The following RABGEF1 variants were observed in gnomAD, a reference collection of about 807,000 sequenced individuals.
RABGEF1 encodes rab5 GDP/GTP exchange factor.
RABGEF1 carries 26 observed loss-of-function variants against 57.3 expected under a neutral mutation model. The observed-to-expected ratio is 0.45, with a 90% CI of 0.33 to 0.63. The LOEUF (loss-of-function observed/expected upper bound fraction) is 0.63, where lower values mean the gene tolerates loss of function less well. RABGEF1 is among the 20% of genes least tolerant of loss of function. RABGEF1 has a pLI of 0.02. For synonymous variants in RABGEF1, 185 were observed against 210.7 expected (o/e 0.88, Z 1.06); for missense variants, 464 against 607.6 (o/e 0.76, Z 2.48).
At chr7:66,723,551 T>C (rs1459869755) in intron 2 of RABGEF1, among the ~76,000 whole-genome samples, 1 of 152,204 alleles carries the variant, frequency 6.6e-6, no homozygotes, top group Non-Finnish European at 1.5e-5. Context: ...TGCTATTTTT[T>C]CTTTAAACAA....
intron 1 of RABGEF1, among the ~76,000 whole-genome samples, chr7:66,706,891 C>G (rs1283042497): frequency 6.6e-6 from 1 of 150,424 alleles, no homozygotes; most frequent in Non-Finnish European, 1.5e-5. Context: ...ACGCCATTCT[C>G]CTGCCTCAGC....
intron 2 of RABGEF1, among the ~76,000 whole-genome samples, chr7:66,715,866 G>A (rs534861192): frequency 6.6e-5 from 10 of 152,174 alleles, no homozygotes; most frequent in African/African-American, 2.4e-4. Context: ...TGCTCCTTGT[G>A]CCTCCGCCTC....
chr7:66,724,673 T>C (rs1321941995), intron 2 of RABGEF1, among the ~76,000 whole-genome samples: 1 of 152,208 alleles, frequency 6.6e-6, no homozygotes, highest in South Asian at 2.1e-4. Context: ...CAATATTTAT[T>C]CTTCTTGGAG....
chr7:66,741,257 C>T (rs904217330), intron 1 of RABGEF1, among the ~76,000 whole-genome samples: 1 of 152,212 alleles, frequency 6.6e-6, no homozygotes, highest in Non-Finnish European at 1.5e-5. Flanking sequence ...CAGCCCCCGG[C>T]CGCGGCAGGG....
intron 4 of RABGEF1, among the ~76,000 whole-genome samples, chr7:66,794,897 G>A (rs1377182265): frequency 1.2e-4 from 18 of 152,148 alleles, no homozygotes; most frequent in African/African-American, 4.1e-4. Flanking sequence ...TGATTCAGTG[G>A]ATTAGATAAA....
intron 1 of RABGEF1, among the ~76,000 whole-genome samples, chr7:66,761,819 G>C (rs1483453839): frequency 6.6e-6 from 1 of 152,152 alleles, no homozygotes; most frequent in Admixed American, 6.5e-5. Flanking sequence ...GGGAGTTTGA[G>C]GTAGGCAGGT....
In RABGEF1 at chr7:66,810,007, A is replaced by G. The variant is rs1584329241; in HGVS notation, c.*723A>G. ...TTAGGCCACATAAAATTGCTGTTTAATGTAGTCGATGGAAGACTTTAAACT... is the reference window on the plus strand; with the variant it reads ...TTAGGCCACATAAAATTGCTGTTTAGTGTAGTCGATGGAAGACTTTAAACT... On this transcript the variant is annotated 3_prime_UTR_variant, in exon 9 of 9. Transcript: ENST00000284957. The G allele has an allele frequency of 6.6e-6, 1 of 152,336 alleles. No homozygotes were observed. The highest frequency in any genetic ancestry group is 2.4e-5 in the African/African-American group (1 of 41,456). The allele number at this position is 152,336 out of a possible 1,614,324, so 9.4% of individuals were successfully genotyped here. A position where few individuals can be genotyped will look rare whatever the true frequency, so the allele number is the denominator to read the frequency against.
At chr7:66,725,151 T>C (rs1398446150) in intron 2 of RABGEF1, among the ~76,000 whole-genome samples, 1 of 152,206 alleles carries the variant, frequency 6.6e-6, no homozygotes, top group African/African-American at 2.4e-5. Context: ...ACAGGTCATA[T>C]TTTCCCACTT....
chr7:66,725,882 A>G (rs1341516639), intron 2 of RABGEF1, among the ~76,000 whole-genome samples: 2 of 152,228 alleles, frequency 1.3e-5, no homozygotes, highest in East Asian at 1.9e-4. Context: ...GGACCCTTCC[A>G]TGTGAAGACC....
At chr7:66,806,640 C>CTTTT (rs71997947) in intron 8 of RABGEF1, among the ~76,000 whole-genome samples, 14 of 114,614 alleles carry the variant, frequency 1.2e-4, no homozygotes, top group South Asian at 5.5e-4. Context: ...CTCATATATC[C>CTTTT]TTTTTTTTTT....
At chr7:66,772,911 CA>C (rs1043792326) in intron 2 of RABGEF1, among the ~76,000 whole-genome samples, 2 of 141,638 alleles carry the variant, frequency 1.4e-5, no homozygotes, top group Admixed American at 7.1e-5. Flanking sequence ...GACTCTGTCT[CA>C]AAAAAAAATA....
At chr7:66,687,125 T>C (rs1208989029) in intron 1 of RABGEF1, among the ~76,000 whole-genome samples, 2 of 148,212 alleles carry the variant, frequency 1.3e-5, no homozygotes, top group African/African-American at 2.5e-5. Flanking sequence ...TTTTTTTTTT[T>C]TTTTTTTTTT....
intron 1 of RABGEF1, among the ~76,000 whole-genome samples, chr7:66,765,698 C>T (rs1004412738): frequency 1.3e-5 from 2 of 152,192 alleles, no homozygotes; most frequent in African/African-American, 4.8e-5. Context: ...CACACAGCTC[C>T]ATCATTCAAG....
chr7:66,661,520 T>G, the RABGEF1 span, among the ~76,000 whole-genome samples: 3 of 150,492 alleles, frequency 2.0e-5, no homozygotes, highest in Non-Finnish European at 4.4e-5. Context: ...CCAGCACTTT[T>G]GGAGTGCACT....
the RABGEF1 span, among the ~76,000 whole-genome samples, chr7:66,676,333 A>G: frequency 6.6e-6 from 1 of 152,114 alleles, no homozygotes; most frequent in Non-Finnish European, 1.5e-5. Context: ...ATCTGTCGGT[A>G]TACACAGAGG....
At chr7:66,762,459 C>G (rs1272114216) in intron 1 of RABGEF1, among the ~76,000 whole-genome samples, 1 of 152,038 alleles carries the variant, frequency 6.6e-6, no homozygotes, top group Non-Finnish European at 1.5e-5. Flanking sequence ...GGCATGGTGC[C>G]ACATGCTATA....
chr7:66,796,675 T>C (rs1785998213), intron 5 of RABGEF1: 1 of 272,138 alleles, frequency 3.7e-6, no homozygotes, highest in Non-Finnish European at 7.3e-6. Context: ...TCACTGCAAC[T>C]CTGCCTCCCA....
chr7:66,694,099 G>A (rs959114770), intron 1 of RABGEF1, among the ~76,000 whole-genome samples: 2 of 152,226 alleles, frequency 1.3e-5, no homozygotes, highest in African/African-American at 4.8e-5. Flanking sequence ...GTGAGCCACT[G>A]CACCCAGCCT....
chr7:66,784,008 T>G (rs371039914), intron 4 of RABGEF1, among the ~76,000 whole-genome samples, 167 bp downstream of exon 4: 3 of 152,224 alleles, frequency 2.0e-5, no homozygotes, highest in South Asian at 2.1e-4. Flanking sequence ...ACCCAACTCT[T>G]AGGCTAGTAC....
Sources: allele counts gnomAD v4.1 joint callset (sites outside exome capture counted in the v4.1 genomes callset), GRCh38; gene constraint gnomAD v4.1.1; transcripts MANE v1.5; gene names NCBI Gene and HGNC (gene_info 2026-07-23, HGNC 2026-07-21).